NEB: variants seen among roughly 807,000 people sequenced by gnomAD.
NEB encodes the protein nemaline myopathy type 2.
In NEB, 512 loss-of-function variants were observed where a neutral mutation model predicts 952.2. The ratio of observed to expected loss-of-function variants is 0.54; its 90% CI spans 0.50 to 0.58. The LOEUF (loss-of-function observed/expected upper bound fraction) is 0.58, where lower values mean the gene tolerates loss of function less well. Among genes scored for constraint, NEB ranks in the 20% least tolerant of loss-of-function variants. The probability of loss-of-function intolerance (pLI) is 0.00; values close to 1 mark genes in which losing one functional copy is unlikely to be tolerated. For missense variants in NEB, 8,428 were observed against 9,231.1 expected (o/e 0.91, Z 3.56); for synonymous variants, 2,900 against 3,149.8 (o/e 0.92, Z 2.66).
chr2:151,553,556 T>A, intron 126 of NEB, 54 bp from the exon 127 acceptor site: 1 of 1,266,530 alleles, frequency 7.9e-7, no homozygotes, highest in Non-Finnish European at 1.1e-6. Context: ...ATAATAACTT[T>A]AACACTAAAA....
chr2:151,507,651 G>GT (rs2070367912), intron 162 of NEB: 3 of 226,042 alleles, frequency 1.3e-5, no homozygotes, highest in South Asian at 1.9e-4. Context: ...ATATTTCCCT[G>GT]TTTCTTTGGG....
intron 135 of NEB, among the ~76,000 whole-genome samples, chr2:151,544,016 G>A (rs959829247): frequency 4.6e-5 from 7 of 152,034 alleles, no homozygotes; most frequent in Admixed American, 3.9e-4. Context: ...ACCCTCCCCC[G>A]CTCTCCATGG....
intron 168 of NEB, among the ~76,000 whole-genome samples, chr2:151,500,795 C>T (rs1299578820): frequency 6.6e-6 from 1 of 151,976 alleles, no homozygotes; most frequent in African/African-American, 2.4e-5. Context: ...GATGGAATTT[C>T]ACCATGTTGG....
chr2:151,615,313 G>C (rs2098155436), intron 76 of NEB, among the ~76,000 whole-genome samples: 1 of 152,224 alleles, frequency 6.6e-6, no homozygotes, highest in South Asian at 2.1e-4. Context: ...ATATGTCTAA[G>C]GCATGAGGCC....
rs998939875 is a variant in NEB, at chr2:151,728,007, C to T, written c.79-101G>A. On this transcript the variant is annotated intron_variant, in intron 4 of 181. Coordinates refer to ENST00000397345, the MANE Select transcript of NEB (RefSeq NM_001164508.2). ...CTAACTTCAAGTCAGATATACATTCCTGGTGTTACTTCTCCATATCTAAAG... is the reference window on the plus strand; with the variant it reads ...CTAACTTCAAGTCAGATATACATTCTTGGTGTTACTTCTCCATATCTAAAG... 1.0e-4 allele frequency: 90 copies of T among 880,630 alleles called. 1 individual carries two copies. In the South Asian group the frequency reaches 1.2e-3, roughly 12 times the overall value. 54.6% of individuals were successfully genotyped at this position (880,630 alleles called of 1,614,324 possible). A position where few individuals can be genotyped will look rare whatever the true frequency, so the allele number is the denominator to read the frequency against.
chr2:151,647,515 C>T lies in NEB; in HGVS notation c.7432-1281G>A, dbSNP rs117864132. 4.2e-3 allele frequency among the ~76,000 whole-genome samples: 637 copies of T among 152,330 alleles called. 16 individuals carry two copies. In the East Asian group the frequency reaches 0.072, roughly 17 times the overall value. ...AGGATAAAATGGTTACTCAACAGTA[C>T]AGCAACCTGGCACCATCACTTTAAC... On this transcript the variant is annotated intron_variant, in intron 54 of 181. Coordinates refer to ENST00000397345, the MANE Select transcript of NEB (RefSeq NM_001164508.2).
At position 151,493,824 on chromosome 2, in the gene NEB, A is replaced by C. The variant is rs376664167; in HGVS notation, c.24623T>G (p.Phe8208Cys). 1.2e-4 allele frequency: 196 copies of C among 1,588,592 alleles called. No individual in the cohort carries two copies. Among genetic ancestry groups the C allele is most frequent in the Non-Finnish European group, 1.6e-4 (182 of 1,165,966 alleles). Residue 8208 changes from phenylalanine (F) to cysteine (C), a missense_variant, in exon 175 of 182, where the codon TTT becomes TGT. Phe to Cys is a radical substitution (Grantham distance 205). Coordinates refer to ENST00000397345, the MANE Select transcript of NEB (RefSeq NM_001164508.2). ...ENLGKATPTPFTPEMERVKRN... is the reference protein window; with the variant it reads ...ENLGKATPTPCTPEMERVKRN... ...TTTCACTCTTTCCATCTCAGGAGTA[A>C]AGGGTGTGGGGGTTGCTTTCCCCAG...
intron 164 of NEB, chr2:151,505,859 G>A (rs1227038895): frequency 3.8e-6 from 2 of 532,002 alleles, no homozygotes; most frequent in Non-Finnish European, 6.7e-6. Context: ...TGCCCAGCAG[G>A]TCGTTTGACT....
rs745881254 is a variant in NEB at position 151,610,112 on chromosome 2, G to A, written c.12027C>T (p.Tyr4009=). Reference sequence around the variant, plus strand: ...CTTTCTGTTTCTCATAGGCTTCCTTGTATTTGTACTAAAATGCCAGAAATA... The same window carrying A: ...CTTTCTGTTTCTCATAGGCTTCCTTATATTTGTACTAAAATGCCAGAAATA... The part of the protein sequence containing the change: ...ASRDIASDYK[Y]KEAYEKQKGH... The change falls in exon 81 of 182, where the codon TAC becomes TAT. Residue 4009 remains tyrosine (Y), a synonymous_variant. Transcript: ENST00000397345. The A allele has an allele frequency of 2.8e-5, 45 of 1,606,246 alleles. No individual in the cohort carries two copies. The South Asian group carries it at 2.9e-4, about 10-fold the overall frequency.
chr2:151,606,395 C>T (rs1281098271), intron 84 of NEB, among the ~76,000 whole-genome samples: 1 of 86,886 alleles, frequency 1.2e-5, no homozygotes, highest in African/African-American at 2.9e-5. Context: ...TACTTTGTAA[C>T]AGCATCAAAG....
chr2:151,579,084 A>C (rs201225181), intron 105 of NEB, among the ~76,000 whole-genome samples: 1 of 148,882 alleles, frequency 6.7e-6, no homozygotes, highest in Non-Finnish European at 1.5e-5. Flanking sequence ...CCATCTCAAA[A>C]AAAAAAAAAA....
Position 151,650,833 on chromosome 2 carries a change from C to T in NEB, c.6968G>A (p.Arg2323Gln), listed in dbSNP as rs369456343. Residue 2323 changes from arginine (R) to glutamine (Q), a missense_variant, in exon 53 of 182, where the codon CGG becomes CAG. Arg to Gln is a conservative substitution (Grantham distance 43). Transcript: ENST00000397345. The part of the protein sequence containing the change: ...RKQLGHHVGF[R>Q]SLQDDPKLVL... ...AAGTTTTGGGTCATCTTGCAGACTC[C>T]GGAATCCAACATGGTGGCCAAGTTG... The T allele has an allele frequency of 2.2e-5, 35 of 1,613,720 alleles. No individual in the cohort carries two copies. In the East Asian group the frequency reaches 3.1e-4, roughly 14 times the overall value.
chr2:151,647,829 G>A (rs1353431819), intron 54 of NEB, among the ~76,000 whole-genome samples: 3 of 152,188 alleles, frequency 2.0e-5, no homozygotes, highest in Non-Finnish European at 4.4e-5. Context: ...TAAATCCTGA[G>A]CCAGAGAAAA....
intron 13 of NEB, among the ~76,000 whole-genome samples, chr2:151,702,860 C>T (rs931003340): frequency 3.3e-5 from 5 of 151,904 alleles, no homozygotes; most frequent in Non-Finnish European, 7.4e-5. Flanking sequence ...GCATTAAGTC[C>T]ATTTACATTT....
chr2:151,694,875 A>C (rs1309813948), intron 18 of NEB, among the ~76,000 whole-genome samples: 1 of 152,170 alleles, frequency 6.6e-6, no homozygotes, highest in African/African-American at 2.4e-5. Flanking sequence ...TATTATACTC[A>C]TATTTGATTC....
At chr2:151,557,768 C>T (rs1276809881) in intron 124 of NEB, among the ~76,000 whole-genome samples, 1 of 152,106 alleles carries the variant, frequency 6.6e-6, no homozygotes, top group East Asian at 1.9e-4. Context: ...GGACAAAAAC[C>T]ACATGATTAT....
intron 10 of NEB, chr2:151,716,105 T>C (rs758402151): frequency 7.0e-6 from 3 of 430,676 alleles, no homozygotes; most frequent in South Asian, 5.2e-5. Flanking sequence ...TCTCCCGTCT[T>C]ATTTACAATA....
rs767079113 is a variant in NEB, at chr2:151,678,053, A to G, written c.3390T>C (p.Tyr1130=). Residue 1130 remains tyrosine (Y), a synonymous_variant, in exon 33 of 182, where the codon TAT becomes TAC. Coordinates refer to ENST00000397345, the MANE Select transcript of NEB (RefSeq NM_001164508.2). ...TGTTGTATTTGGACTTTGTCTTCTC[A>G]TAGTCTTTTTTATACTCCCGATCTG... ...IQSDREYKKD[Y]EKTKSKYNTP... 3 of 1,613,800 alleles carry G rather than the reference A, an allele frequency of 1.9e-6. No homozygotes were observed. The highest frequency in any genetic ancestry group is 2.7e-5 in the African/African-American group (2 of 74,900).
intron 106 of NEB, 46 bp from the exon 107 acceptor site, chr2:151,575,845 G>C: frequency 7.8e-7 from 1 of 1,289,476 alleles, no homozygotes; most frequent in Non-Finnish European, 1.1e-6. Flanking sequence ...CAATTTTCAT[G>C]TTGCTAGTCC....
Sources: allele counts gnomAD v4.1 joint callset (sites outside exome capture counted in the v4.1 genomes callset), GRCh38; gene constraint gnomAD v4.1.1; transcripts MANE v1.5; gene names NCBI Gene and HGNC (gene_info 2026-07-23, HGNC 2026-07-21).